The following ZFPM2 variants were observed in gnomAD, a reference collection of about 807,000 sequenced individuals.
The protein encoded by ZFPM2 is zinc finger protein, FOG family member 2.
ZFPM2 carries 20 observed loss-of-function variants against 98.6 expected under a neutral mutation model. The ratio of observed to expected loss-of-function variants is 0.20; its 90% CI spans 0.14 to 0.29. The LOEUF is 0.29. ZFPM2 is among the 10% of genes least tolerant of loss of function. The pLI, the probability that ZFPM2 is intolerant of heterozygous loss-of-function variation, is 1.00. For synonymous variants in ZFPM2, 518 were observed against 502.7 expected, an observed-to-expected ratio of 1.03 and a Z score of -0.41; for missense variants, 1,310 against 1,388.6, an observed-to-expected ratio of 0.94 and a Z score of 0.90.
chr8:105,794,861 C>G (rs1813741696), intron 6 of ZFPM2, among the ~76,000 whole-genome samples: 2 of 152,198 alleles, frequency 1.3e-5, no homozygotes, highest in East Asian at 3.9e-4. Flanking sequence ...CAGTGAGGGT[C>G]CGTGGGCATA....
intron 3 of ZFPM2, among the ~76,000 whole-genome samples, chr8:105,558,173 T>C (rs1487203555): frequency 6.6e-6 from 1 of 152,222 alleles, no homozygotes; most frequent in Non-Finnish European, 1.5e-5. Context: ...GTAAGTTAAA[T>C]GTAACTTCCC....
chr8:105,693,467 T>C (rs1810938911), intron 5 of ZFPM2, among the ~76,000 whole-genome samples: 1 of 152,204 alleles, frequency 6.6e-6, no homozygotes, highest in South Asian at 2.1e-4. Context: ...TATTTGTTGT[T>C]GTTTCTTTGC....
chr8:105,456,713 C>T (rs192403867), intron 3 of ZFPM2, among the ~76,000 whole-genome samples: 181 of 152,240 alleles, frequency 1.2e-3, no homozygotes, highest in Admixed American at 4.8e-3. Flanking sequence ...TGCTCTGTTG[C>T]CCAGGCTGGA....
chr8:105,364,705 G>A (rs1165584243), intron 1 of ZFPM2, among the ~76,000 whole-genome samples: 1 of 151,176 alleles, frequency 6.6e-6, no homozygotes, highest in Non-Finnish European at 1.5e-5. Context: ...TGACAAAGAT[G>A]TCTGTTGGCC....
chr8:105,651,279 T>C (rs1817168566), intron 5 of ZFPM2, among the ~76,000 whole-genome samples: 1 of 152,120 alleles, frequency 6.6e-6, no homozygotes, highest in Non-Finnish European at 1.5e-5. Context: ...AAACTCTATG[T>C]TTCAATCATA....
chr8:105,457,462 CA>C (rs765777831), intron 3 of ZFPM2, among the ~76,000 whole-genome samples: 26 of 152,142 alleles, frequency 1.7e-4, no homozygotes, highest in Admixed American at 2.0e-4. Flanking sequence ...AGTCTACCTT[CA>C]AAAGCTCACA....
intron 1 of ZFPM2, among the ~76,000 whole-genome samples, chr8:105,383,447 G>A (rs995194592): frequency 1.3e-5 from 2 of 152,076 alleles, no homozygotes; most frequent in African/African-American, 4.8e-5. Flanking sequence ...TAAATCTTAT[G>A]TGGTGTATTA....
intron 5 of ZFPM2, among the ~76,000 whole-genome samples, chr8:105,730,776 CTT>C (rs201573898): frequency 7.2e-5 from 9 of 124,384 alleles, no homozygotes; most frequent in African/African-American, 1.0e-4. Context: ...TTTCTTTTTT[CTT>C]TTTTTTTTTT....
At chr8:105,439,306 G>A (rs190949499) in intron 2 of ZFPM2, among the ~76,000 whole-genome samples, 1 of 152,120 alleles carries the variant, frequency 6.6e-6, no homozygotes, top group Non-Finnish European at 1.5e-5. Context: ...GGGTTGCTCT[G>A]GGGTTATTAT....
At chr8:105,381,208 AG>A (rs1188453683) in intron 1 of ZFPM2, among the ~76,000 whole-genome samples, 1 of 150,794 alleles carries the variant, frequency 6.6e-6, no homozygotes, top group African/African-American at 2.4e-5. Context: ...TAGTTTGCTG[AG>A]AATGATGCTT....
rs187437614 is a variant in ZFPM2 at position 105,470,448 on chromosome 8, G to A, written c.301+26067G>A. Among the ~76,000 whole-genome samples, 327 of 152,222 alleles carry A rather than the reference G, an allele frequency of 2.1e-3. 1 individual carries two copies. The highest frequency in any genetic ancestry group is 0.02 in the Middle Eastern group (6 of 294). ...ATCACAGAGGATGGTACCTGGGGATGGTAAACAACATGGAAGTGGTAGCTT... is the reference window on the plus strand; with the variant it reads ...ATCACAGAGGATGGTACCTGGGGATAGTAAACAACATGGAAGTGGTAGCTT... On this transcript the variant is annotated intron_variant, in intron 3 of 7. Coordinates refer to ENST00000407775, the MANE Select transcript of ZFPM2 (RefSeq NM_012082.4).
chr8:105,702,791 C>T (rs1040482577), intron 5 of ZFPM2, among the ~76,000 whole-genome samples: 4 of 152,190 alleles, frequency 2.6e-5, no homozygotes, highest in African/African-American at 9.7e-5. Context: ...GTGCCTTGCT[C>T]TCAGTTTTGA....
intron 5 of ZFPM2, among the ~76,000 whole-genome samples, chr8:105,686,182 C>T (rs956399311): frequency 3.3e-5 from 5 of 152,058 alleles, no homozygotes; most frequent in African/African-American, 1.2e-4. Context: ...GTAGGGGCAA[C>T]TGTAATTAGA....
At chr8:105,502,217 T>C (rs1459978316) in intron 3 of ZFPM2, among the ~76,000 whole-genome samples, 1 of 147,706 alleles carries the variant, frequency 6.8e-6, no homozygotes, top group Admixed American at 6.7e-5. Context: ...AAGTTTTTTT[T>C]AAAATATATG....
At chr8:105,530,580 A>G (rs1409744952) in intron 3 of ZFPM2, among the ~76,000 whole-genome samples, 1 of 152,118 alleles carries the variant, frequency 6.6e-6, no homozygotes, top group Non-Finnish European at 1.5e-5. Context: ...TGTAAACATG[A>G]GAGAGCGAGA....
At chr8:105,719,175 G>T (rs953820894) in intron 5 of ZFPM2, among the ~76,000 whole-genome samples, 4 of 151,898 alleles carry the variant, frequency 2.6e-5, no homozygotes, top group African/African-American at 9.7e-5. Flanking sequence ...ACTTGCCAAA[G>T]CCCATGAGAT....
At chr8:105,503,302 A>C (rs1445998667) in intron 3 of ZFPM2, among the ~76,000 whole-genome samples, 1 of 152,144 alleles carries the variant, frequency 6.6e-6, no homozygotes, top group South Asian at 2.1e-4. Flanking sequence ...ATCAGGAAGG[A>C]ATGTTGATAT....
chr8:105,563,251 T>A (rs1446224428), intron 4 of ZFPM2, among the ~76,000 whole-genome samples: 1 of 152,204 alleles, frequency 6.6e-6, no homozygotes, highest in African/African-American at 2.4e-5. Flanking sequence ...TACATGTGGA[T>A]CTCCGTTTAT....
chr8:105,726,649 G>A (rs1407919854), intron 5 of ZFPM2, among the ~76,000 whole-genome samples: 1 of 151,722 alleles, frequency 6.6e-6, no homozygotes, highest in African/African-American at 2.4e-5. Context: ...TCATAAATGA[G>A]TTTATACTCA....
Sources: allele counts gnomAD v4.1 joint callset (sites outside exome capture counted in the v4.1 genomes callset), GRCh38; gene constraint gnomAD v4.1.1; transcripts MANE v1.5; gene names NCBI Gene and HGNC (gene_info 2026-07-23, HGNC 2026-07-21).